SAA2: variants seen among roughly 807,000 people sequenced by gnomAD.
The protein encoded by SAA2 is serum amyloid A2.
In SAA2, 5 loss-of-function variants were observed where a neutral mutation model predicts 9.1. The ratio of observed to expected loss-of-function variants is 0.55; its 90% CI spans 0.29 to 1.16. The LOEUF (loss-of-function observed/expected upper bound fraction) is 1.16. SAA2 is among the 50% of genes most tolerant of loss of function. SAA2 has a pLI of 0.09. For synonymous variants in SAA2, 49 were observed against 59.8 expected (o/e 0.82, Z 0.83); for missense variants, 94 against 153.8 (o/e 0.61, Z 2.06).
intron 2 of SAA2, among the ~76,000 whole-genome samples, chr11:18,246,639 T>C (rs555657275): frequency 5.6e-4 from 85 of 151,488 alleles, no homozygotes; most frequent in South Asian, 1.5e-3. Context: ...TCAAGTGATT[T>C]TCCTGCTTCA....
chr11:18,246,869 C>A (rs1328690643), intron 2 of SAA2, among the ~76,000 whole-genome samples: 1 of 152,214 alleles, frequency 6.6e-6, no homozygotes, highest in African/African-American at 2.4e-5. Flanking sequence ...TCCCAGTGCC[C>A]AGGCCACACC....
downstream of SAA2, chr11:18,240,354 T>A: frequency 2.9e-6 from 2 of 699,490 alleles, no homozygotes; most frequent in East Asian, 2.7e-5. Flanking sequence ...GATGCAGCCA[T>A]AAGGCAGATA....
At chr11:18,244,135 A>G (rs989420835), downstream of SAA2, among the ~76,000 whole-genome samples, 15 of 152,244 alleles carry the variant, frequency 9.9e-5, no homozygotes, top group African/African-American at 3.6e-4. Flanking sequence ...TAGGATGTCC[A>G]TGATGTTTAC....
chr11:18,242,032 C>T (rs1468204724), downstream of SAA2: 2 of 152,104 alleles, frequency 1.3e-5, no homozygotes. Flanking sequence ...GCTCAATTTG[C>T]ATGTAGCATG....
downstream of SAA2, among the ~76,000 whole-genome samples, chr11:18,243,634 C>A (rs531263577): frequency 1.3e-5 from 2 of 152,154 alleles, no homozygotes; most frequent in Non-Finnish European, 2.9e-5. Flanking sequence ...TATACCTACA[C>A]TTCTATTAGT....
chr11:18,246,418 AGTGAC>A (rs1857538983), intron 2 of SAA2, among the ~76,000 whole-genome samples: 7 of 152,264 alleles, frequency 4.6e-5, no homozygotes, highest in Non-Finnish European at 8.8e-5. Flanking sequence ...CCTGAGTTCC[AGTGAC>A]TGTTAGGAGC....
chr11:18,248,193 C>T (rs1414710110), intron 1 of SAA2, among the ~76,000 whole-genome samples, 178 bp from the exon 2 acceptor site: 1 of 127,792 alleles, frequency 7.8e-6, no homozygotes, highest in South Asian at 2.6e-4. Flanking sequence ...GTTCTGAACC[C>T]ATCAGCCCTG....
downstream of SAA2, among the ~76,000 whole-genome samples, chr11:18,238,526 T>G (rs564006398): frequency 1.7e-4 from 26 of 152,310 alleles, no homozygotes; most frequent in African/African-American, 6.0e-4. Flanking sequence ...TTTAAAAATT[T>G]TTTGTGGGTA....
Position 18,246,474 on chromosome 11 carries a change from A to G in SAA2, c.92-426T>C, listed in dbSNP as rs532022417. Among the ~76,000 whole-genome samples, 15 of 152,316 alleles carry G rather than the reference A, an allele frequency of 9.8e-5. No homozygotes were observed. In the East Asian group the frequency reaches 1.7e-3, roughly 18 times the overall value. ...CACTTTCTCAGTAGGCTGTACTGAT[A>G]CTGTGGGTTGCTTGAGGAAGCAATA... On this transcript the variant is annotated intron_variant, in intron 2 of 3. Transcript: ENST00000256733.
chr11:18,247,241 A>C (rs1451492157), intron 2 of SAA2, among the ~76,000 whole-genome samples: 3 of 152,032 alleles, frequency 2.0e-5, no homozygotes, highest in African/African-American at 7.3e-5. Context: ...GAGAAGGAAG[A>C]ATGGAAACAG....
At chr11:18,247,849 CA>C in intron 2 of SAA2, 71 bp downstream of exon 2, 1 of 1,608,126 alleles carries the variant, frequency 6.2e-7, no homozygotes, top group Non-Finnish European at 8.5e-7. Context: ...CCGAAAGCAT[CA>C]TTTTCCCCAG....
intron 2 of SAA2, among the ~76,000 whole-genome samples, chr11:18,246,660 T>A (rs1857557042): frequency 1.3e-5 from 2 of 152,204 alleles, no homozygotes; most frequent in Non-Finnish European, 2.9e-5. Context: ...GCCTCCTGAG[T>A]AGCTGGGATT....
At position 18,245,518 on chromosome 11, in the gene SAA2, G is replaced by A. The variant is rs1237086333; in HGVS notation, c.231-3C>T. ...TCTGGATATTCTCTCTGGCATTGCT[G>A]TAGTCCAGGCAGGCAAGAAGGAGAT... On this transcript the variant is annotated splice_polypyrimidine_tract_variant and splice_region_variant and intron_variant, in intron 3 of 3. Transcript: ENST00000256733. 10 of 1,614,004 alleles carry A rather than the reference G, an allele frequency of 6.2e-6. No individual in the cohort carries two copies. The highest frequency in any genetic ancestry group is 1.7e-5 in the Admixed American group (1 of 60,026).
At chr11:18,244,140 G>GT (rs1178796211), downstream of SAA2, among the ~76,000 whole-genome samples, 3 of 152,176 alleles carry the variant, frequency 2.0e-5, no homozygotes, top group Non-Finnish European at 4.4e-5. Context: ...TGTCCATGAT[G>GT]TTTACCAGCA....
At chr11:18,241,394 A>G (rs575282817), downstream of SAA2, among the ~76,000 whole-genome samples, 2 of 152,366 alleles carry the variant, frequency 1.3e-5, no homozygotes, top group East Asian at 3.9e-4. Flanking sequence ...GTACTACCCA[A>G]AGGAAAATAG....
exon 4 of SAA2, chr11:18,239,877 T>G (rs975343253): frequency 6.6e-7 from 1 of 1,523,524 alleles, no homozygotes; most frequent in Non-Finnish European, 8.8e-7. Context: ...TTATTTACAC[T>G]GAATCTTCAT....
downstream of SAA2, chr11:18,245,136 A>C (rs1031226400): frequency 1.8e-5 from 15 of 815,530 alleles, no homozygotes; most frequent in Non-Finnish European, 2.4e-5. Flanking sequence ...ACATCCAAAC[A>C]CATAGGCCTA....
chr11:18,245,503 C>A lies in SAA2; in HGVS notation c.243G>T (p.Glu81Asp). Residue 81 changes from glutamate (E) to aspartate (D), a missense_variant, in exon 4 of 4, where the codon GAG becomes GAT. Glu to Asp is a conservative substitution (Grantham distance 45). Coordinates refer to ENST00000256733, the MANE Select transcript of SAA2 (RefSeq NM_030754.5). Reference sequence around the variant, plus strand: ...CACGGCCTGTGAGTCTCTGGATATTCTCTCTGGCATTGCTGTAGTCCAGGC... The same window carrying A: ...CACGGCCTGTGAGTCTCTGGATATTATCTCTGGCATTGCTGTAGTCCAGGC... ...WAAEVISNAR[E>D]NIQRLTGRGA... 6.2e-7 allele frequency: 1 copy of A among 1,614,086 alleles called. No homozygotes were observed. Among genetic ancestry groups the A allele is most frequent in the Non-Finnish European group, 8.5e-7 (1 of 1,179,944 alleles).
downstream of SAA2, among the ~76,000 whole-genome samples, chr11:18,244,868 C>T (rs951719439): frequency 8.5e-5 from 13 of 152,182 alleles, no homozygotes; most frequent in East Asian, 9.6e-4. Context: ...AAGGAAGACT[C>T]GGGTGGCAGT....
Sources: gnomAD v4.1 joint callset for allele counts (sites outside exome capture counted in the v4.1 genomes callset) on GRCh38, gnomAD v4.1.1 for gene constraint, MANE v1.5 for transcripts, NCBI Gene and HGNC (gene_info 2026-07-23, HGNC 2026-07-21) for gene names.